CSMD1: variants seen among roughly 807,000 people sequenced by gnomAD.
The protein encoded by CSMD1 is CUB and sushi domain-containing protein 1.
Under a neutral mutation model 417.5 loss-of-function variants are expected in CSMD1, and 213 were observed. That is an observed-to-expected ratio of 0.51 (90% CI 0.46 to 0.57). CSMD1 has a LOEUF of 0.57. CSMD1 is among the 20% of genes least tolerant of loss of function. CSMD1 has a pLI of 0.00. For missense variants in CSMD1, 6,923 were observed against 4,529.7 expected, an observed-to-expected ratio of 1.53 and a Z score of -15.17; for synonymous variants, 2,862 against 1,736.8, an observed-to-expected ratio of 1.65 and a Z score of -16.11.
intron 11 of CSMD1, among the ~76,000 whole-genome samples, chr8:3,476,508 C>A (rs71521865): frequency 0.033 from 4,967 of 152,214 alleles, 98 homozygotes; most frequent in Middle Eastern, 0.061. Context: ...TATGAAACTA[C>A]CAACCTATCT....
chr8:3,041,577 T>C (rs898869273), intron 50 of CSMD1, among the ~76,000 whole-genome samples: 1 of 152,228 alleles, frequency 6.6e-6, no homozygotes, highest in African/African-American at 2.4e-5. Flanking sequence ...GTTACATGCT[T>C]GTAGCATTTC....
At chr8:3,665,258 C>T (rs58997794) in intron 7 of CSMD1, among the ~76,000 whole-genome samples, 61,070 of 151,988 alleles carry the variant, frequency 0.4, 12,494 homozygotes, top group Admixed American at 0.54. Context: ...CAGTGGCTCA[C>T]ATCTGTAATT....
intron 3 of CSMD1, among the ~76,000 whole-genome samples, chr8:4,386,570 A>G (rs1394623580): frequency 6.6e-6 from 1 of 152,218 alleles, no homozygotes; most frequent in Non-Finnish European, 1.5e-5. Flanking sequence ...AAGACCTATA[A>G]GAGAGAAAGG....
chr8:4,111,930 T>TA (rs564529159), intron 3 of CSMD1, among the ~76,000 whole-genome samples: 119 of 152,236 alleles, frequency 7.8e-4, no homozygotes, highest in African/African-American at 2.8e-3. Context: ...TTAAAATAAA[T>TA]AAAGTATGGC....
chr8:4,855,116 G>GA (rs1801715960), intron 1 of CSMD1, among the ~76,000 whole-genome samples: 1 of 151,758 alleles, frequency 6.6e-6, no homozygotes, highest in Non-Finnish European at 1.5e-5. Context: ...CCTGACCCCC[G>GA]AGCAGCCTAA....
chr8:4,590,568 A>G (rs1211289995), intron 2 of CSMD1, among the ~76,000 whole-genome samples: 2 of 152,110 alleles, frequency 1.3e-5, no homozygotes, highest in Non-Finnish European at 2.9e-5. Context: ...TTTTAAAAAT[A>G]AAAATATAAA....
chr8:4,296,615 G>C lies in CSMD1; in HGVS notation c.415+123338C>G, dbSNP rs548323143. ...TACATTTACTTCATATTTTATAATA[G>C]TTTGTTATTTAGTTAATATTCACTA... is the stretch of plus-strand genomic sequence containing the variant. On this transcript the variant is annotated intron_variant, in intron 3 of 69. Transcript: ENST00000635120. Among the ~76,000 whole-genome samples, 11 of 13,562 alleles carry C rather than the reference G, an allele frequency of 8.1e-4. 1 individual carries two copies. Among genetic ancestry groups the C allele is most frequent in the African/African-American group, 9.1e-4 (11 of 12,024 alleles). 8.9% of individuals were successfully genotyped at this position (13,562 alleles called of 152,430 possible).
chr8:3,731,500 A>C (rs112239504), intron 6 of CSMD1, among the ~76,000 whole-genome samples: 1 of 152,172 alleles, frequency 6.6e-6, no homozygotes, highest in Non-Finnish European at 1.5e-5. Flanking sequence ...CTGTTGGACA[A>C]TTCATGGATA....
At chr8:4,046,010 T>C (rs1177464492) in intron 3 of CSMD1, among the ~76,000 whole-genome samples, 2 of 152,158 alleles carry the variant, frequency 1.3e-5, no homozygotes, top group Non-Finnish European at 2.9e-5. Flanking sequence ...GGTTCTACAA[T>C]TGTATTCAAA....
intron 6 of CSMD1, among the ~76,000 whole-genome samples, chr8:3,731,317 G>A (rs970975379): frequency 2.6e-5 from 4 of 152,162 alleles, no homozygotes; most frequent in Admixed American, 6.5e-5. Context: ...CTCTCTGAAT[G>A]CCTCTCTTGA....
chr8:2,975,856 CG>C (rs2128935673), intron 55 of CSMD1, among the ~76,000 whole-genome samples: 1 of 152,142 alleles, frequency 6.6e-6, no homozygotes, highest in East Asian at 1.9e-4. Context: ...CTGGCCACCC[CG>C]GAAAAGGAGA....
At chr8:4,058,906 A>C (rs940638347) in intron 3 of CSMD1, among the ~76,000 whole-genome samples, 1 of 152,046 alleles carries the variant, frequency 6.6e-6, no homozygotes, top group South Asian at 2.1e-4. Context: ...TAACAAGGAT[A>C]CCCAGGAATT....
intron 12 of CSMD1, among the ~76,000 whole-genome samples, chr8:3,439,122 C>CAAAAAAAAAAAAAAAAAAAA (rs1158997352): frequency 8.0e-4 from 2 of 2,494 alleles, no homozygotes; most frequent in African/African-American, 4.8e-3. Flanking sequence ...GACTCCATCT[C>CAAAAAAAAAAAAAAAAAAAA]AAAAAAAAAA....
At chr8:3,389,744 C>T (rs7016135) in intron 17 of CSMD1, among the ~76,000 whole-genome samples, 71,187 of 151,374 alleles carry the variant, frequency 0.47, 17,096 homozygotes, top group African/African-American at 0.56. Flanking sequence ...AGACAAACTG[C>T]GGTAGAAATA....
rs549578804 is a variant in CSMD1 at position 4,808,703 on chromosome 8, G to A, written c.86-171145C>T. ...CATACTGGTTTAAAAATCTACTGTC[G>A]CTTGAACACGCCCACTCAGAAAGTT... On this transcript the variant is annotated intron_variant, in intron 1 of 69. Transcript: ENST00000635120. Among the ~76,000 whole-genome samples, 15 of 152,246 alleles carry A rather than the reference G, an allele frequency of 9.9e-5. No homozygotes were observed. The East Asian group carries it at 1.7e-3, about 18-fold the overall frequency.
At chr8:4,312,156 T>A (rs906196041) in intron 3 of CSMD1, among the ~76,000 whole-genome samples, 1 of 151,944 alleles carries the variant, frequency 6.6e-6, no homozygotes, top group Non-Finnish European at 1.5e-5. Flanking sequence ...TACACACGCT[T>A]CCTACGTGCA....
chr8:3,056,536 T>A (rs941915593), intron 49 of CSMD1, among the ~76,000 whole-genome samples: 1 of 151,814 alleles, frequency 6.6e-6, no homozygotes, highest in African/African-American at 2.4e-5. Context: ...GCCTGGCTAT[T>A]TTTTGTATTT....
chr8:4,730,419 G>A (rs903396357), intron 1 of CSMD1, among the ~76,000 whole-genome samples: 7 of 152,024 alleles, frequency 4.6e-5, no homozygotes, highest in Non-Finnish European at 1.0e-4. Flanking sequence ...AGTTAGGTGG[G>A]GTCATTCAAA....
chr8:4,910,550 T>C (rs1436580254), intron 1 of CSMD1, among the ~76,000 whole-genome samples: 1 of 152,166 alleles, frequency 6.6e-6, no homozygotes, highest in African/African-American at 2.4e-5. Context: ...TCTGAAGCTT[T>C]TTTATAGACG....
Sources: allele counts gnomAD v4.1 joint callset (sites outside exome capture counted in the v4.1 genomes callset), GRCh38; gene constraint gnomAD v4.1.1; transcripts MANE v1.5; gene names NCBI Gene and HGNC (gene_info 2026-07-23, HGNC 2026-07-21).